The following SHISAL1 variants were observed in gnomAD, a reference collection of about 807,000 sequenced individuals.
SHISAL1 encodes the protein shisa like 1, also known as protein shisa-like-1.
Under a neutral mutation model 22.6 loss-of-function variants are expected in SHISAL1, and 9 were observed. The ratio of observed to expected loss-of-function variants is 0.40; its 90% confidence interval spans 0.24 to 0.70. The LOEUF is 0.70. Among genes scored for constraint, SHISAL1 ranks in the 30% least tolerant of loss-of-function variants. SHISAL1 has a pLI of 0.39. For missense variants in SHISAL1, 246 were observed against 270.6 expected, an observed-to-expected ratio of 0.91 and a Z score of 0.64; for synonymous variants, 119 against 115.4, an observed-to-expected ratio of 1.03 and a Z score of -0.20.
Position 44,257,360 on chromosome 22 carries a change from A to C in SHISAL1, c.*-7675T>G, listed in dbSNP as rs1326717099. Among the ~76,000 whole-genome samples, 3 of 152,210 alleles carry C rather than the reference A, an allele frequency of 2.0e-5. No homozygotes were observed. The East Asian group carries it at 5.8e-4, about 29-fold the overall frequency. ...CAGCTCCCACACAATGGAGAGTCAC[A>C]CAGAGACCAATCAGGCTCAGACAGC... On this transcript the variant is annotated intron_variant, in intron 4 of 4. Transcript: ENST00000381176.
intron 4 of SHISAL1, among the ~76,000 whole-genome samples, chr22:44,266,525 G>GGT (rs386395566): frequency 3.9e-4 from 18 of 45,716 alleles, no homozygotes; most frequent in South Asian, 1.2e-3. Context: ...GGGGCTTTGG[G>GGT]GTATGTGTGT....
intron 4 of SHISAL1, among the ~76,000 whole-genome samples, chr22:44,256,873 C>G (rs1386854999): frequency 6.6e-6 from 1 of 152,104 alleles, no homozygotes; most frequent in African/African-American, 2.4e-5. Flanking sequence ...GAGAAATTAC[C>G]CAAAGGATCT....
chr22:44,329,534 A>G, the SHISAL1 span, among the ~76,000 whole-genome samples: 1 of 152,192 alleles, frequency 6.6e-6, no homozygotes, highest in African/African-American at 2.4e-5. Context: ...TGCCTGAGAC[A>G]GTGCCAGGAA....
chr22:44,295,096 G>T (rs1328596158), intron 3 of SHISAL1, among the ~76,000 whole-genome samples: 2 of 152,124 alleles, frequency 1.3e-5, no homozygotes, highest in Non-Finnish European at 1.5e-5. Flanking sequence ...TCTAAAGTTT[G>T]CATGACAAAA....
At chr22:44,291,059 T>C (rs2055349347) in intron 3 of SHISAL1, among the ~76,000 whole-genome samples, 1 of 152,166 alleles carries the variant, frequency 6.6e-6, no homozygotes, top group East Asian at 1.9e-4. Context: ...GTAACAGGCT[T>C]GGACAAGTGA....
chr22:44,256,577 C>T (rs1194700483), intron 4 of SHISAL1, among the ~76,000 whole-genome samples: 1 of 152,126 alleles, frequency 6.6e-6, no homozygotes, highest in East Asian at 1.9e-4. Context: ...TTTAGTGATC[C>T]CTTTGGCCAC....
At chr22:44,252,501 C>T (rs187267568) in intron 4 of SHISAL1, among the ~76,000 whole-genome samples, 1 of 151,738 alleles carries the variant, frequency 6.6e-6, no homozygotes, top group East Asian at 1.9e-4. Context: ...CAACAGAGAC[C>T]ATATGGTAAA....
At chr22:44,326,979 T>C in the SHISAL1 span, among the ~76,000 whole-genome samples, 1 of 152,076 alleles carries the variant, frequency 6.6e-6, no homozygotes, top group Non-Finnish European at 1.5e-5. Context: ...GTCCACCATG[T>C]CTGCAATATA....
chr22:44,326,872 C>T, the SHISAL1 span, among the ~76,000 whole-genome samples: 1 of 152,106 alleles, frequency 6.6e-6, no homozygotes, highest in Non-Finnish European at 1.5e-5. Flanking sequence ...AAAGGAGTGC[C>T]TCGGTGGGCT....
intron 4 of SHISAL1, among the ~76,000 whole-genome samples, chr22:44,258,163 A>T (rs763332883): frequency 6.6e-6 from 1 of 151,788 alleles, no homozygotes; most frequent in Non-Finnish European, 1.5e-5. Flanking sequence ...AAAATTAGCC[A>T]GGTGTGGTGA....
At chr22:44,254,171 A>G (rs996939883) in intron 4 of SHISAL1, among the ~76,000 whole-genome samples, 7 of 152,154 alleles carry the variant, frequency 4.6e-5, no homozygotes, top group Admixed American at 2.6e-4. Flanking sequence ...AGGAACATAC[A>G]TAGCCTTAAA....
intron 1 of SHISAL1, among the ~76,000 whole-genome samples, chr22:44,302,612 A>G (rs983248139): frequency 1.3e-5 from 2 of 151,890 alleles, no homozygotes; most frequent in Non-Finnish European, 1.5e-5. Context: ...ACACGGAGGG[A>G]TAGCAGGGGC....
At chr22:44,331,363 C>A in the SHISAL1 span, among the ~76,000 whole-genome samples, 2 of 151,562 alleles carry the variant, frequency 1.3e-5, no homozygotes, top group African/African-American at 4.8e-5. The surrounding 1 kb of genome is among the most constrained non-coding windows in gnomAD (Gnocchi z 5.2). Context: ...CAGACCCCGC[C>A]CCCCACTCGC....
At chr22:44,284,029 C>T (rs1019978124) in intron 4 of SHISAL1, among the ~76,000 whole-genome samples, 2 of 152,130 alleles carry the variant, frequency 1.3e-5, no homozygotes, top group Admixed American at 6.6e-5. Flanking sequence ...CTGGCACAAA[C>T]CCCTGCCCAA....
the SHISAL1 span, among the ~76,000 whole-genome samples, chr22:44,321,746 G>C: frequency 1.6e-4 from 25 of 152,192 alleles, no homozygotes; most frequent in African/African-American, 6.0e-4. Context: ...TTAAGATGCA[G>C]GGAAGCGGGA....
rs1188662972 is a variant in SHISAL1, at chr22:44,310,342, G to C, written c.-33+2409C>G. On this transcript the variant is annotated intron_variant, in intron 1 of 4. Coordinates refer to ENST00000381176, the MANE Select transcript of SHISAL1 (RefSeq NM_001099294.2). The surrounding 1 kb of genome is among the most constrained non-coding windows in gnomAD (Gnocchi z 4.0). ...ATAAACCACAGCTCAGAGAAACTAA[G>C]TGATTGCCCAGAGCTGGAGGGTGGA... Among the ~76,000 whole-genome samples the C allele has an allele frequency of 3.9e-5, 6 of 152,252 alleles. No homozygotes were observed. The highest frequency in any genetic ancestry group is 7.3e-5 in the Non-Finnish European group (5 of 68,048).
the SHISAL1 span, among the ~76,000 whole-genome samples, chr22:44,318,656 A>G: frequency 6.6e-6 from 1 of 152,258 alleles, no homozygotes; most frequent in East Asian, 1.9e-4. Context: ...TGTGAAACTC[A>G]GAGCCCACGC....
chr22:44,315,020 T>C (rs763167101), upstream of SHISAL1, among the ~76,000 whole-genome samples: 14 of 152,176 alleles, frequency 9.2e-5, no homozygotes, highest in Non-Finnish European at 1.5e-4. Context: ...TAGCAAGGCA[T>C]ACAGCGGGAC....
intron 3 of SHISAL1, among the ~76,000 whole-genome samples, chr22:44,288,116 A>G (rs1264432572): frequency 1.3e-5 from 2 of 152,200 alleles, no homozygotes; most frequent in African/African-American, 2.4e-5. Flanking sequence ...ACGTTAGCCC[A>G]TTTAATGCTC....
Sources: gnomAD v4.1 joint callset for allele counts (sites outside exome capture counted in the v4.1 genomes callset) on GRCh38, gnomAD v4.1.1 for gene constraint, Gnocchi (gnomAD v3.1) non-coding constraint, MANE v1.5 for transcripts, NCBI Gene and HGNC (gene_info 2026-07-23, HGNC 2026-07-21) for gene names.